The following TBCEL variants were observed in gnomAD, a reference collection of about 807,000 sequenced individuals.
TBCEL encodes the protein tubulin-specific chaperone cofactor E-like protein.
In TBCEL, 15 loss-of-function variants were observed where a neutral mutation model predicts 44.2. That is an observed-to-expected ratio of 0.34 (90% confidence interval 0.23 to 0.52). The LOEUF (loss-of-function observed/expected upper bound fraction) is 0.52. Ranked by LOEUF, TBCEL falls within the 20% of genes least tolerant of loss-of-function variation. The probability of loss-of-function intolerance (pLI) is 0.95; values close to 1 mark genes in which losing one functional copy is unlikely to be tolerated. For synonymous variants in TBCEL, 171 were observed against 185.4 expected (o/e 0.92, Z 0.63); for missense variants, 319 against 506.3 (o/e 0.63, Z 3.55).
At chr11:121,083,058 G>A (rs931896556) in intron 8 of TBCEL, among the ~76,000 whole-genome samples, 5 of 152,320 alleles carry the variant, frequency 3.3e-5, no homozygotes, top group Admixed American at 2.0e-4. Context: ...AAATCTCATT[G>A]GCAAGAGAGT....
chr11:121,025,271 G>A (rs1002878921), intron 1 of TBCEL, among the ~76,000 whole-genome samples: 4 of 151,818 alleles, frequency 2.6e-5, no homozygotes, highest in African/African-American at 9.7e-5. Flanking sequence ...TCATGCTGCT[G>A]TGGAGCTCTT....
chr11:121,060,734 A>G (rs1357415663), intron 8 of TBCEL, among the ~76,000 whole-genome samples: 2 of 151,946 alleles, frequency 1.3e-5, no homozygotes, highest in Admixed American at 6.6e-5. Context: ...ATACCCCCCA[A>G]AACAGGTTTC....
intron 1 of TBCEL, among the ~76,000 whole-genome samples, chr11:121,030,795 A>G (rs1255360352): frequency 6.6e-6 from 1 of 151,570 alleles, no homozygotes; most frequent in East Asian, 1.9e-4. Context: ...TATGTACGCA[A>G]CCTTAAATGA....
intron 8 of TBCEL, among the ~76,000 whole-genome samples, chr11:121,063,901 AGTCCTG>A (rs1945770257): frequency 6.6e-6 from 1 of 152,186 alleles, no homozygotes; most frequent in Non-Finnish European, 1.5e-5. Context: ...TTTTACCACT[AGTCCTG>A]GTAATACCAG....
intron 8 of TBCEL, among the ~76,000 whole-genome samples, chr11:121,064,181 G>A (rs1427823312): frequency 1.3e-5 from 2 of 152,164 alleles, no homozygotes; most frequent in Non-Finnish European, 2.9e-5. Context: ...TAAGAGTTTT[G>A]CAAGTTAGTC....
intron 8 of TBCEL, among the ~76,000 whole-genome samples, chr11:121,069,390 G>A (rs527935859): frequency 1.1e-4 from 17 of 152,306 alleles, no homozygotes; most frequent in Middle Eastern, 6.8e-3. Context: ...GTGACGATGA[G>A]GGAAGAATAT....
At chr11:121,036,480 A>T (rs1015926007) in intron 1 of TBCEL, 25 bp from the exon 2 acceptor site, 2 of 152,180 alleles carry the variant, frequency 1.3e-5, no homozygotes, top group Admixed American at 1.3e-4. Flanking sequence ...AAGTATATGC[A>T]AAGTGTTTTT....
intron 8 of TBCEL, among the ~76,000 whole-genome samples, chr11:121,080,555 T>A: frequency 6.6e-6 from 1 of 152,234 alleles, no homozygotes; most frequent in African/African-American, 2.4e-5. Flanking sequence ...CTAGACAAAG[T>A]TTCATTTTAC....
At position 121,053,645 on chromosome 11, in the gene TBCEL, G is replaced by A; in HGVS notation, c.368G>A (p.Gly123Glu). Residue 123 changes from glycine (G) to glutamate (E), a missense_variant, in exon 5 of 9, where the codon GGG becomes GAG. Transcript: ENST00000683345. ...NLSVLERTCAGSFSGVRKLVL... is the reference protein window; with the variant it reads ...NLSVLERTCAESFSGVRKLVL... Reference sequence around the variant, plus strand: ...TCGGTTTTAGAAAGAACATGTGCTGGGTCCTTCTCTGGGGTTCGCAAACTT... The same window carrying A: ...TCGGTTTTAGAAAGAACATGTGCTGAGTCCTTCTCTGGGGTTCGCAAACTT... The A allele has an allele frequency of 6.2e-7, 1 of 1,612,316 alleles. No homozygotes were observed. Among genetic ancestry groups the A allele is most frequent in the Non-Finnish European group, 8.5e-7 (1 of 1,178,988 alleles).
chr11:121,026,474 C>G (rs1945048512), intron 1 of TBCEL, among the ~76,000 whole-genome samples: 1 of 152,074 alleles, frequency 6.6e-6, no homozygotes, highest in Non-Finnish European at 1.5e-5. Flanking sequence ...TATTTAAGAC[C>G]AGTTTAATAG....
At chr11:121,086,674 T>A in intron 8 of TBCEL, 104 bp from the exon 9 acceptor site, 2 of 859,422 alleles carry the variant, frequency 2.3e-6, no homozygotes, top group Admixed American at 2.9e-5. Context: ...TAAGATTTTT[T>A]AAAGATGTTG....
intron 1 of TBCEL, among the ~76,000 whole-genome samples, chr11:121,024,938 C>A (rs1453457407): frequency 6.6e-6 from 1 of 152,086 alleles, no homozygotes; most frequent in African/African-American, 2.4e-5. Context: ...GGTGCCTTGT[C>A]GTGGGATCTT....
At chr11:121,073,986 A>G (rs1048509824) in intron 8 of TBCEL, among the ~76,000 whole-genome samples, 2 of 151,680 alleles carry the variant, frequency 1.3e-5, no homozygotes, top group East Asian at 1.9e-4. Flanking sequence ...ATCTATTTTG[A>G]TATGTAAAAT....
At chr11:121,027,154 TATA>T (rs1400001323) in intron 1 of TBCEL, among the ~76,000 whole-genome samples, 5 of 152,240 alleles carry the variant, frequency 3.3e-5, no homozygotes, top group Non-Finnish European at 7.3e-5. Context: ...GAACTCTTTA[TATA>T]TTTTGGGCCT....
intron 7 of TBCEL, 144 bp from the exon 8 acceptor site, chr11:121,059,825 A>G: frequency 3.3e-6 from 2 of 601,486 alleles, no homozygotes; most frequent in South Asian, 4.6e-5. Flanking sequence ...ACTTTAGTTC[A>G]TGTCAGTAGT....
rs117741453 is a variant in TBCEL, at chr11:121,041,293, G to A, written c.-17-4381G>A. 3.1e-3 allele frequency among the ~76,000 whole-genome samples: 470 copies of A among 152,282 alleles called. 1 individual carries two copies. The highest frequency in any genetic ancestry group is 6.8e-3 in the Middle Eastern group (2 of 294). On this transcript the variant is annotated intron_variant, in intron 2 of 8. Coordinates refer to ENST00000683345, the MANE Select transcript of TBCEL (RefSeq NM_001363644.2). Reference sequence around the variant, plus strand: ...CTCAGTAGTGGTTAAGGGTACTAAGGTGACTGGATGTTCTGTTCTGATTTT... The same window carrying A: ...CTCAGTAGTGGTTAAGGGTACTAAGATGACTGGATGTTCTGTTCTGATTTT...
At chr11:121,038,588 A>C (rs1384101645) in intron 2 of TBCEL, among the ~76,000 whole-genome samples, 2 of 152,162 alleles carry the variant, frequency 1.3e-5, no homozygotes, top group Admixed American at 6.5e-5. Context: ...GGGCTTAAAA[A>C]AAAAACAAAA....
At chr11:121,077,427 T>C (rs1256267408) in intron 8 of TBCEL, among the ~76,000 whole-genome samples, 1 of 152,114 alleles carries the variant, frequency 6.6e-6, no homozygotes, top group East Asian at 1.9e-4. Flanking sequence ...ATAAAGTTTT[T>C]CATAGTATTT....
chr11:121,072,472 AT>A (rs1945953225), intron 8 of TBCEL, among the ~76,000 whole-genome samples: 1 of 152,198 alleles, frequency 6.6e-6, no homozygotes, highest in African/African-American at 2.4e-5. Flanking sequence ...AAATAATATT[AT>A]ACATAAAATT....
Sources: allele counts gnomAD v4.1 joint callset (sites outside exome capture counted in the v4.1 genomes callset), GRCh38; gene constraint gnomAD v4.1.1; transcripts MANE v1.5; gene names NCBI Gene and HGNC (gene_info 2026-07-23, HGNC 2026-07-21).